Variants in XKR4 observed in about 807,000 individuals in gnomAD.
XKR4 encodes XK related 4.
XKR4 carries 12 observed loss-of-function variants against 53.9 expected under a neutral mutation model. The ratio of observed to expected loss-of-function variants is 0.22; its 90% CI spans 0.14 to 0.36. XKR4 has a LOEUF of 0.36. Ranked by LOEUF, XKR4 falls within the 10% of genes least tolerant of loss-of-function variation. The pLI is 1.00. For synonymous variants in XKR4, 354 were observed against 362.4 expected, an observed-to-expected ratio of 0.98 and a Z score of 0.26; for missense variants, 799 against 859.5, an observed-to-expected ratio of 0.93 and a Z score of 0.88.
At chr8:55,455,174 G>T (rs903323332) in intron 2 of XKR4, 3 of 525,030 alleles carry the variant, frequency 5.7e-6, no homozygotes, top group Middle Eastern at 5.6e-4. Flanking sequence ...GCGGCTCGGG[G>T]ACTCGAGGGC....
intron 2 of XKR4, among the ~76,000 whole-genome samples, chr8:55,459,856 G>C (rs1805624015): frequency 6.6e-6 from 1 of 152,060 alleles, no homozygotes; most frequent in Admixed American, 6.5e-5. Flanking sequence ...TTAGAAAACA[G>C]TTTGATGGGG....
At chr8:55,372,482 A>G (rs995198659) in intron 2 of XKR4, among the ~76,000 whole-genome samples, 1 of 152,192 alleles carries the variant, frequency 6.6e-6, no homozygotes, top group Non-Finnish European at 1.5e-5. Context: ...GACAAAAGGA[A>G]AGACGGGTAA....
At position 55,523,386 on chromosome 8, in the gene XKR4, C is replaced by T; in HGVS notation, c.1112C>T (p.Ala371Val). The T allele has an allele frequency of 2.5e-6, 4 of 1,614,214 alleles. No individual in the cohort carries two copies. The highest frequency in any genetic ancestry group is 3.4e-6 in the Non-Finnish European group (4 of 1,180,032). ...RDDKKPISYM[A>V]VIIQFCWHFF... ...GACAAGAAGCCCATCAGCTACATGG[C>T]CGTCATCATCCAGTTCTGCTGGCAC... Residue 371 changes from alanine to valine, a missense_variant, in exon 3 of 3, where the codon GCC becomes GTC. Ala to Val is a moderately conservative substitution (Grantham distance 64, BLOSUM62 0). Around this residue, in one of 3 missense-constraint regions of XKR4, gnomAD observed 476 missense variants for 505.4 expected, o/e 0.94. Transcript: ENST00000327381.
At chr8:55,496,206 T>C (rs1284036124) in intron 2 of XKR4, among the ~76,000 whole-genome samples, 1 of 152,192 alleles carries the variant, frequency 6.6e-6, no homozygotes, top group East Asian at 1.9e-4. Context: ...TTAAGAAGAA[T>C]GCTTCTAAGC....
intron 1 of XKR4, among the ~76,000 whole-genome samples, chr8:55,283,813 T>C (rs1398905923): frequency 2.6e-5 from 4 of 152,222 alleles, no homozygotes; most frequent in African/African-American, 9.6e-5. Flanking sequence ...CACAGTTATT[T>C]TCCTTGGGTC....
At chr8:55,276,533 C>A (rs2129373218) in intron 1 of XKR4, among the ~76,000 whole-genome samples, 1 of 152,338 alleles carries the variant, frequency 6.6e-6, no homozygotes, top group East Asian at 1.9e-4. Context: ...TAGGAAACCA[C>A]AATGCAATTC....
At chr8:55,344,961 A>C (rs1037897324) in intron 1 of XKR4, among the ~76,000 whole-genome samples, 15 of 152,366 alleles carry the variant, frequency 9.8e-5, no homozygotes, top group African/African-American at 3.4e-4. Flanking sequence ...CATAATAATA[A>C]AAAGGAGACC....
chr8:55,249,176 T>C lies in XKR4; in HGVS notation c.807-108502T>C, dbSNP rs1306941778. On this transcript the variant is annotated intron_variant, in intron 1 of 2. Coordinates refer to ENST00000327381, the MANE Select transcript of XKR4 (RefSeq NM_052898.2). ...CAACTTAAGCAAAAAAAGATCATTG[T>C]TGAAAGGGGTATTTCCTGCAATTCA... Among the ~76,000 whole-genome samples the C allele has an allele frequency of 4.6e-5, 7 of 152,328 alleles. No homozygotes were observed. The East Asian group carries it at 1.2e-3, about 25-fold the overall frequency.
At chr8:55,167,278 C>T (rs1185695386) in intron 1 of XKR4, among the ~76,000 whole-genome samples, 1 of 152,196 alleles carries the variant, frequency 6.6e-6, no homozygotes, top group Non-Finnish European at 1.5e-5. Context: ...AGATGTTTGT[C>T]ACACTTCTTT....
intron 1 of XKR4, among the ~76,000 whole-genome samples, chr8:55,167,159 G>A (rs1192233675): frequency 6.6e-6 from 1 of 152,212 alleles, no homozygotes; most frequent in Non-Finnish European, 1.5e-5. Flanking sequence ...CATGGCTTGA[G>A]CAAATGGCAG....
At chr8:55,270,163 A>C (rs986940359) in intron 1 of XKR4, among the ~76,000 whole-genome samples, 4 of 152,174 alleles carry the variant, frequency 2.6e-5, no homozygotes, top group Non-Finnish European at 5.9e-5. Context: ...GATGAATGCC[A>C]CATGCCTAGG....
intron 1 of XKR4, among the ~76,000 whole-genome samples, chr8:55,263,504 A>G (rs1431000540): frequency 1.3e-5 from 2 of 152,216 alleles, no homozygotes; most frequent in Non-Finnish European, 2.9e-5. Flanking sequence ...AGAAATAAAT[A>G]CAAAACTAGA....
At chr8:55,135,591 C>T in intron 1 of XKR4, 1 of 456,086 alleles carries the variant, frequency 2.2e-6, no homozygotes, top group Non-Finnish European at 4.4e-6. Flanking sequence ...TCTGCTTTCT[C>T]TGTCATCGGA....
intron 1 of XKR4, among the ~76,000 whole-genome samples, chr8:55,175,153 G>A (rs117501425): frequency 2.6e-5 from 4 of 152,282 alleles, no homozygotes; most frequent in East Asian, 3.9e-4. Flanking sequence ...CATCATTCAC[G>A]TGAGATTTGT....
At chr8:55,239,438 T>G (rs1360438546) in intron 1 of XKR4, among the ~76,000 whole-genome samples, 1 of 152,232 alleles carries the variant, frequency 6.6e-6, no homozygotes, top group African/African-American at 2.4e-5. Context: ...TCTTGCTCAC[T>G]GAAAACCAAG....
intron 1 of XKR4, among the ~76,000 whole-genome samples, chr8:55,168,809 C>G (rs1187227854): frequency 6.6e-6 from 1 of 152,116 alleles, no homozygotes; most frequent in Non-Finnish European, 1.5e-5. Context: ...GACTGTCTGC[C>G]TTTATGTTAC....
chr8:55,129,677 G>T (rs899259098), intron 1 of XKR4, among the ~76,000 whole-genome samples: 3 of 152,140 alleles, frequency 2.0e-5, no homozygotes, highest in Non-Finnish European at 4.4e-5. Flanking sequence ...AGGAAGGTAG[G>T]AGTCTTCAGT....
intron 2 of XKR4, among the ~76,000 whole-genome samples, chr8:55,497,135 C>T (rs2129402942): frequency 6.6e-6 from 1 of 152,296 alleles, no homozygotes; most frequent in African/African-American, 2.4e-5. Context: ...TATTTTTGAG[C>T]TGTAAAAGCA....
rs1054890114 is a variant in XKR4 at position 55,257,505 on chromosome 8, G to A, written c.807-100173G>A. Among the ~76,000 whole-genome samples the A allele has an allele frequency of 8.9e-4, 135 of 152,066 alleles. 4 individuals are homozygous for A. Among genetic ancestry groups the A allele is most frequent in the Admixed American group, 9.2e-4 (14 of 15,264 alleles). On this transcript the variant is annotated intron_variant, in intron 1 of 2. Coordinates refer to ENST00000327381, the MANE Select transcript of XKR4 (RefSeq NM_052898.2). The stretch of plus-strand genomic sequence containing the variant: ...GCATGTACTTAAGAGAAGAAAAAGA[G>A]TTCCTGCTCCTGGGAATTTCAAAGC...
Sources: allele counts gnomAD v4.1 joint callset (sites outside exome capture counted in the v4.1 genomes callset), GRCh38; gene constraint gnomAD v4.1.1; regional missense constraint gnomAD v4.1.1; transcripts MANE v1.5; gene names NCBI Gene and HGNC (gene_info 2026-07-23, HGNC 2026-07-21).